Variants in IQSEC3 observed in about 807,000 individuals in gnomAD.
The protein encoded by IQSEC3 is IQ motif and SEC7 domain-containing protein 3.
A neutral mutation model predicts 105.4 loss-of-function variants in IQSEC3; 50 were observed. That is an observed-to-expected ratio of 0.47 (90% CI 0.38 to 0.60). The LOEUF is 0.60. Among genes scored for constraint, IQSEC3 ranks in the 20% least tolerant of loss-of-function variants. The probability of loss-of-function intolerance (pLI) is 0.00; values close to 1 mark genes in which losing one functional copy is unlikely to be tolerated. For synonymous variants in IQSEC3, 708 were observed against 746.0 expected, an observed-to-expected ratio of 0.95 and a Z score of 0.83; for missense variants, 1,415 against 1,630.0, an observed-to-expected ratio of 0.87 and a Z score of 2.27.
At position 176,834 on chromosome 12, in the gene IQSEC3, G is replaced by A. The variant is rs1939251760; in HGVS notation, c.*1801G>A. On this transcript the variant is annotated 3_prime_UTR_variant, in exon 14 of 14. Coordinates refer to ENST00000538872, the MANE Select transcript of IQSEC3 (RefSeq NM_001170738.2). The surrounding 1 kb of genome is among the most constrained non-coding windows in gnomAD (Gnocchi z 4.0). Reference sequence around the variant, plus strand: ...GCTCCAGTCATTGCCTTTCAGAGTGGAGCAGATGACAGATGGGGTGCACGC... The same window carrying A: ...GCTCCAGTCATTGCCTTTCAGAGTGAAGCAGATGACAGATGGGGTGCACGC... 1.3e-5 allele frequency: 2 copies of A among 152,410 alleles called. No homozygotes were observed. The highest frequency in any genetic ancestry group is 4.1e-4 in the South Asian group (2 of 4,826). The allele number at this position is 152,410 out of a possible 1,614,324, so 9.4% of individuals were successfully genotyped here.
intron 2 of IQSEC3, among the ~76,000 whole-genome samples, chr12:108,364 T>C (rs1385938728): frequency 6.6e-6 from 1 of 152,250 alleles, no homozygotes; most frequent in Non-Finnish European, 1.5e-5. Flanking sequence ...CAGGGCTTGG[T>C]TAAGAGCATG....
intron 2 of IQSEC3, among the ~76,000 whole-genome samples, chr12:119,706 C>T (rs1214323437): frequency 6.6e-6 from 1 of 152,186 alleles, no homozygotes. Context: ...TTGGCCAATC[C>T]CACGTGGCAC....
chr12:91,371 T>C (rs562782789), intron 1 of IQSEC3, among the ~76,000 whole-genome samples: 1 of 152,316 alleles, frequency 6.6e-6, no homozygotes, highest in South Asian at 2.1e-4. Context: ...TGGCTCTGGA[T>C]GCGGCTTTCC....
In IQSEC3 at chr12:157,572, A is replaced by G. The variant is rs1347880975; in HGVS notation, c.2321A>G (p.His774Arg). ...AACCCCGAAGTGGTTCAGCAGTTCC[A>G]CAACCCCGACACCATCTTCATCCTC... Reference protein sequence around the residue: ...MCNPEVVQQFHNPDTIFILAF... With the variant: ...MCNPEVVQQFRNPDTIFILAF... Residue 774 changes from histidine (H) to arginine (R), a missense_variant, in exon 7 of 14, where the codon CAC becomes CGC. Physicochemically the swap from His to Arg is conservative, Grantham distance 29. Coordinates refer to ENST00000538872, the MANE Select transcript of IQSEC3 (RefSeq NM_001170738.2). The G allele has an allele frequency of 1.9e-6, 3 of 1,614,172 alleles. No homozygotes were observed. The highest frequency in any genetic ancestry group is 2.5e-6 in the Non-Finnish European group (3 of 1,180,014).
intron 2 of IQSEC3, among the ~76,000 whole-genome samples, chr12:118,367 C>A (rs1865115731): frequency 6.6e-6 from 1 of 150,822 alleles, no homozygotes; most frequent in East Asian, 1.9e-4. Flanking sequence ...CGTCTGAGAT[C>A]ACCATATTGA....
intron 1 of IQSEC3, among the ~76,000 whole-genome samples, chr12:83,289 G>A (rs1413241199): frequency 6.6e-6 from 1 of 152,180 alleles, no homozygotes; most frequent in African/African-American, 2.4e-5. Flanking sequence ...CAGGGGCACA[G>A]GGATTCGCGG....
At chr12:132,102 C>G (rs1325771912) in intron 3 of IQSEC3, among the ~76,000 whole-genome samples, 1 of 152,050 alleles carries the variant, frequency 6.6e-6, no homozygotes, top group African/African-American at 2.4e-5. Context: ...CAGGGAGACC[C>G]CGTCTGTTCG....
chr12:140,197 G>A (rs2137003142), intron 4 of IQSEC3: 1 of 152,342 alleles, frequency 6.6e-6, no homozygotes, highest in South Asian at 2.1e-4. Context: ...CTGGCCTCAA[G>A]AGGCTCCTAT....
At chr12:78,273 T>A (rs1362348876) in intron 1 of IQSEC3, among the ~76,000 whole-genome samples, 1 of 151,430 alleles carries the variant, frequency 6.6e-6, no homozygotes, top group African/African-American at 2.4e-5. Flanking sequence ...CCGGGGAGCA[T>A]CGGGGCCGCG....
At position 135,117 on chromosome 12, in the gene IQSEC3, G is replaced by A. The variant is rs557132477; in HGVS notation, c.904-3150G>A. On this transcript the variant is annotated intron_variant, in intron 3 of 13. Transcript: ENST00000538872. Reference sequence around the variant, plus strand: ...TGCACTCCAGCCTGGGTGACAGAGCGGGACTCCATCTCAAAGAAAAAAAAA... The same window carrying A: ...TGCACTCCAGCCTGGGTGACAGAGCAGGACTCCATCTCAAAGAAAAAAAAA... Among the ~76,000 whole-genome samples, 7 of 152,238 alleles carry A rather than the reference G, an allele frequency of 4.6e-5. No homozygotes were observed. The South Asian group carries it at 8.3e-4, about 18-fold the overall frequency.
At chr12:93,128 G>A (rs1056940614) in intron 1 of IQSEC3, among the ~76,000 whole-genome samples, 10 of 152,204 alleles carry the variant, frequency 6.6e-5, no homozygotes, top group South Asian at 4.1e-4. Context: ...TTACTGGCAA[G>A]AAAACTGAGG....
At chr12:91,085 G>C (rs143340476) in intron 1 of IQSEC3, among the ~76,000 whole-genome samples, 2 of 152,060 alleles carry the variant, frequency 1.3e-5, no homozygotes, top group Non-Finnish European at 1.5e-5. Flanking sequence ...TGAAGGCTGG[G>C]GATTCAGTCT....
At chr12:163,770 G>A (rs1867037699) in intron 9 of IQSEC3, 151 bp downstream of exon 9, 2 of 691,864 alleles carry the variant, frequency 2.9e-6, no homozygotes. Context: ...CCTTCATGGT[G>A]CTTTCACACC....
At chr12:69,652 C>T (rs1863233809) in intron 1 of IQSEC3, among the ~76,000 whole-genome samples, 1 of 152,288 alleles carries the variant, frequency 6.6e-6, no homozygotes, top group Admixed American at 6.5e-5. Context: ...CCTGCCTCCC[C>T]TCATCCCTGC....
At chr12:114,092 C>T (rs74879492) in intron 2 of IQSEC3, among the ~76,000 whole-genome samples, 6,579 of 152,234 alleles carry the variant, frequency 0.043, 171 homozygotes, top group South Asian at 0.11. Flanking sequence ...GGGTGTTTGG[C>T]AGGATTAAAT....
At chr12:98,513 C>A (rs1864310905) in intron 1 of IQSEC3, among the ~76,000 whole-genome samples, 1 of 152,204 alleles carries the variant, frequency 6.6e-6, no homozygotes, top group African/African-American at 2.4e-5. Flanking sequence ...TCAGCTGAAG[C>A]CCAGAAAAGG....
At chr12:141,750 G>A (rs1378763903) in intron 5 of IQSEC3, 3 of 160,752 alleles carry the variant, frequency 1.9e-5, no homozygotes, top group Admixed American at 1.3e-4. Flanking sequence ...TAAACTGAGG[G>A]TTTTAGAGCA....
Position 67,175 on chromosome 12 carries a change from G to T in IQSEC3, c.293G>T (p.Gly98Val), listed in dbSNP as rs1721524273. 6.5e-7 allele frequency: 1 copy of T among 1,533,906 alleles called. No homozygotes were observed. Among genetic ancestry groups the T allele is most frequent in the Non-Finnish European group, 8.7e-7 (1 of 1,146,576 alleles). Reference protein sequence around the residue: ...ARAQEPLQDQGQRSAAAPHPA... With the variant: ...ARAQEPLQDQVQRSAAAPHPA... ...GCCCAGGAACCTCTCCAGGACCAGGGACAGCGCTCAGCAGCCGCGCCGCAT... is the reference window on the plus strand; with the variant it reads ...GCCCAGGAACCTCTCCAGGACCAGGTACAGCGCTCAGCAGCCGCGCCGCAT... The change falls in exon 1 of 14, where the codon GGA becomes GTA. Residue 98 changes from glycine (G) to valine (V), a missense_variant. By Grantham distance (109) the Gly-to-Val change is moderately radical. Coordinates refer to ENST00000538872, the MANE Select transcript of IQSEC3 (RefSeq NM_001170738.2).
At chr12:118,080 T>G (rs891450092) in intron 2 of IQSEC3, among the ~76,000 whole-genome samples, 12 of 152,108 alleles carry the variant, frequency 7.9e-5, no homozygotes, top group African/African-American at 2.9e-4. Context: ...GCTGCCCTCT[T>G]ACAATGAGGA....
Sources: allele counts gnomAD v4.1 joint callset (sites outside exome capture counted in the v4.1 genomes callset), GRCh38; gene constraint gnomAD v4.1.1; non-coding constraint Gnocchi (gnomAD v3.1); transcripts MANE v1.5; gene names NCBI Gene and HGNC (gene_info 2026-07-23, HGNC 2026-07-21).